Variants in ZMYM2 observed in about 807,000 individuals in gnomAD.
ZMYM2 encodes the protein zinc finger MYM-type containing 2.
A neutral mutation model predicts 162.8 loss-of-function variants in ZMYM2; 56 were observed. That is an observed-to-expected ratio of 0.34 (90% CI 0.28 to 0.43). The LOEUF (loss-of-function observed/expected upper bound fraction) is 0.43. Among genes scored for constraint, ZMYM2 ranks in the 20% least tolerant of loss-of-function variants. ZMYM2 has a pLI of 1.00. For missense variants in ZMYM2, 1,275 were observed against 1,621.8 expected, an observed-to-expected ratio of 0.79 and a Z score of 3.67; for synonymous variants, 510 against 541.6, an observed-to-expected ratio of 0.94 and a Z score of 0.81.
chr13:19,904,612 A>G, the ZMYM2 span, among the ~76,000 whole-genome samples: 139,412 of 152,128 alleles, frequency 0.92, 65,065 homozygotes, highest in Non-Finnish European at 1. Flanking sequence ...AATTGAGCAA[A>G]CCAAAAGGTA....
intron 22 of ZMYM2, 69 bp downstream of exon 22, chr13:20,082,199 G>A: frequency 8.7e-7 from 1 of 1,143,610 alleles, no homozygotes; most frequent in Non-Finnish European, 1.2e-6. Context: ...GAGTATGTTT[G>A]AAAATATTAT....
the ZMYM2 span, among the ~76,000 whole-genome samples, chr13:19,885,929 GTATACACATATATATGTA>G: frequency 0.046 from 1,895 of 41,570 alleles, 676 homozygotes; most frequent in African/African-American, 0.17. Flanking sequence ...ATATATATGT[GTATACACATATATATGTA>G]TATACACATA....
chr13:20,060,951 G>A (rs1003310178), intron 16 of ZMYM2, 102 bp from the exon 17 acceptor site: 3 of 1,117,040 alleles, frequency 2.7e-6, no homozygotes, highest in Non-Finnish European at 2.5e-6. Context: ...CTTTTATCCA[G>A]TGTGATATTA....
At chr13:19,946,447 C>G in the ZMYM2 span, among the ~76,000 whole-genome samples, 1 of 152,208 alleles carries the variant, frequency 6.6e-6, no homozygotes, top group African/African-American at 2.4e-5. Flanking sequence ...TTCTCTGGTT[C>G]TTCTAAACAG....
chr13:19,985,637 G>A (rs1168968581), intron 2 of ZMYM2, among the ~76,000 whole-genome samples: 1 of 150,848 alleles, frequency 6.6e-6, no homozygotes, highest in African/African-American at 2.4e-5. Flanking sequence ...AGGAGACAGA[G>A]GTTGCAGTGA....
chr13:19,939,304 G>T, the ZMYM2 span, among the ~76,000 whole-genome samples: 1 of 151,802 alleles, frequency 6.6e-6, no homozygotes, highest in Non-Finnish European at 1.5e-5. Context: ...GATTACAGGT[G>T]TGAGCCACCG....
At chr13:19,938,017 T>C in the ZMYM2 span, among the ~76,000 whole-genome samples, 1 of 152,138 alleles carries the variant, frequency 6.6e-6, no homozygotes, top group African/African-American at 2.4e-5. Context: ...TTCCATGGTG[T>C]ATATGTGCCA....
chr13:19,874,212 C>A, the ZMYM2 span, among the ~76,000 whole-genome samples: 3 of 152,004 alleles, frequency 2.0e-5, no homozygotes, highest in South Asian at 2.1e-4. Context: ...ACTTGATTTT[C>A]TTTATTTCTT....
chr13:19,868,166 CTT>C, the ZMYM2 span, among the ~76,000 whole-genome samples: 1 of 152,210 alleles, frequency 6.6e-6, no homozygotes, highest in African/African-American at 2.4e-5. Flanking sequence ...AGCTGCAATT[CTT>C]TCTCTCCAAA....
intron 12 of ZMYM2, among the ~76,000 whole-genome samples, chr13:20,042,497 T>C (rs916263300): frequency 6.6e-6 from 1 of 152,144 alleles, no homozygotes; most frequent in Admixed American, 6.5e-5. Context: ...TGCTCCTGCT[T>C]CTCAGTGATC....
intron 2 of ZMYM2, among the ~76,000 whole-genome samples, chr13:19,988,133 GTTTTC>G (rs1250775004): frequency 1.3e-5 from 2 of 152,034 alleles, no homozygotes; most frequent in African/African-American, 2.4e-5. Context: ...AAAAAATTCT[GTTTTC>G]TTTTAACTCA....
At chr13:19,885,904 T>C in the ZMYM2 span, among the ~76,000 whole-genome samples, 1 of 111,320 alleles carries the variant, frequency 9.0e-6, no homozygotes, top group Non-Finnish European at 1.9e-5. Context: ...TATACACATA[T>C]ATATGTATAT....
the ZMYM2 span, among the ~76,000 whole-genome samples, chr13:19,949,583 C>A: frequency 2.6e-5 from 4 of 151,416 alleles, no homozygotes; most frequent in African/African-American, 9.7e-5. Context: ...CAGAGTAAGA[C>A]CCTGTTGAAA....
rs953324800 is a variant in ZMYM2 at position 20,063,088 on chromosome 13, G to C, written c.3037+117G>C. The C allele has an allele frequency of 8.8e-6, 11 of 1,246,580 alleles. No homozygotes were observed. The East Asian group carries it at 2.9e-4, about 32-fold the overall frequency. 77.2% of individuals were successfully genotyped at this position (1,246,580 alleles called of 1,614,324 possible). A position where few individuals can be genotyped will look rare whatever the true frequency, so the allele number is the denominator to read the frequency against. On this transcript the variant is annotated intron_variant, in intron 18 of 24. Coordinates refer to ENST00000610343, the MANE Select transcript of ZMYM2 (RefSeq NM_197968.4). The stretch of plus-strand genomic sequence containing the variant: ...AGCAGTGTTCATATTTTTTATTCTT[G>C]TTATTTTTTAAACTCACCTTAAGAG...
rs775906209 is a variant in ZMYM2, at chr13:19,993,138, G to T, written c.66G>T (p.Thr22=). 6.2e-7 allele frequency: 1 copy of T among 1,614,042 alleles called. No homozygotes were observed. The highest frequency in any genetic ancestry group is 1.7e-5 in the Admixed American group (1 of 59,996). The part of the protein sequence containing the change: ...TDQTPVLLGS[T]AMATSLTNVG... ...AGACTCCTGTTTTATTAGGGAGTAC[G>T]GCCATGGCAACTAGTCTCACGAATG... The change falls in exon 3 of 25, where the codon ACG becomes ACT. Residue 22 remains threonine, a synonymous_variant. Transcript: ENST00000610343.
the ZMYM2 span, among the ~76,000 whole-genome samples, chr13:19,884,724 A>C: frequency 3.3e-5 from 5 of 152,146 alleles, no homozygotes; most frequent in Non-Finnish European, 5.9e-5. Context: ...TCCAGAAAAA[A>C]AGACACAAAC....
chr13:19,924,792 G>A, the ZMYM2 span, among the ~76,000 whole-genome samples: 1 of 151,878 alleles, frequency 6.6e-6, no homozygotes, highest in African/African-American at 2.4e-5. Context: ...ATATCTCTGT[G>A]ATAACTGGGT....
At chr13:19,887,080 C>G in the ZMYM2 span, among the ~76,000 whole-genome samples, 3 of 151,800 alleles carry the variant, frequency 2.0e-5, no homozygotes, top group Non-Finnish European at 2.9e-5. Context: ...AATCATATTA[C>G]GATGTAATTT....
chr13:20,082,129 T>C lies in ZMYM2; in HGVS notation c.3567T>C (p.Asp1189=). 1 of 1,593,538 alleles carries C rather than the reference T, an allele frequency of 6.3e-7. No homozygotes were observed. Among genetic ancestry groups the C allele is most frequent in the South Asian group, 1.2e-5 (1 of 86,870 alleles). ...LRSWQPSILP[D]GSIFSRVEED... is the part of the protein sequence containing the mutation. Reference sequence around the variant, plus strand: ...GCTGGCAACCAAGCATACTTCCAGATGGTAATGCTATTTTCACTAAAGGTG... The same window carrying C: ...GCTGGCAACCAAGCATACTTCCAGACGGTAATGCTATTTTCACTAAAGGTG... Residue 1189 remains aspartate, a splice_region_variant and synonymous_variant, in exon 22 of 25, where the codon GAT becomes GAC. Coordinates refer to ENST00000610343, the MANE Select transcript of ZMYM2 (RefSeq NM_197968.4).
Sources: gnomAD v4.1 joint callset for allele counts (sites outside exome capture counted in the v4.1 genomes callset) on GRCh38, gnomAD v4.1.1 for gene constraint, MANE v1.5 for transcripts, NCBI Gene and HGNC (gene_info 2026-07-23, HGNC 2026-07-21) for gene names.